PRIM2: variants seen among roughly 807,000 people sequenced by gnomAD.
PRIM2 encodes the protein DNA primase large subunit.
PRIM2 carries 39 observed loss-of-function variants against 67.3 expected under a neutral mutation model. The observed-to-expected ratio is 0.58, with a 90% CI of 0.45 to 0.76. The LOEUF (loss-of-function observed/expected upper bound fraction) is 0.76. Ranked by LOEUF, PRIM2 falls within the 30% of genes least tolerant of loss-of-function variation. The pLI is 0.00. For missense variants in PRIM2, 398 were observed against 598.7 expected, an observed-to-expected ratio of 0.66 and a Z score of 3.50; for synonymous variants, 143 against 198.7, an observed-to-expected ratio of 0.72 and a Z score of 2.36.
chr6:57,356,648 T>TA (rs1260429647), intron 5 of PRIM2, among the ~76,000 whole-genome samples: 8 of 152,214 alleles, frequency 5.3e-5, no homozygotes, highest in Non-Finnish European at 7.3e-5. Flanking sequence ...AAATTGTTGC[T>TA]AAACTGACAG....
chr6:57,452,736 C>T (rs1772600286), intron 7 of PRIM2, among the ~76,000 whole-genome samples: 2 of 151,922 alleles, frequency 1.3e-5, no homozygotes, highest in Non-Finnish European at 2.9e-5. Flanking sequence ...CTGTGGGTTG[C>T]CTGTTCACTC....
At chr6:57,398,196 G>A (rs1342930004) in intron 7 of PRIM2, among the ~76,000 whole-genome samples, 1 of 152,054 alleles carries the variant, frequency 6.6e-6, no homozygotes, top group African/African-American at 2.4e-5. Context: ...TTGACCTCAT[G>A]ATCTGCTTGC....
At chr6:57,484,103 G>A (rs1324586982) in intron 7 of PRIM2, among the ~76,000 whole-genome samples, 3 of 152,128 alleles carry the variant, frequency 2.0e-5, no homozygotes, top group African/African-American at 7.2e-5. Flanking sequence ...ATTTCTATGG[G>A]ATTTTGGTTA....
the PRIM2 span, among the ~76,000 whole-genome samples, chr6:57,263,151 T>G: frequency 6.6e-6 from 1 of 152,234 alleles, no homozygotes; most frequent in South Asian, 2.1e-4. Flanking sequence ...GTATAAGTTC[T>G]TCAAAGTTCA....
At chr6:57,281,378 C>A in the PRIM2 span, among the ~76,000 whole-genome samples, 1 of 152,186 alleles carries the variant, frequency 6.6e-6, no homozygotes, top group African/African-American at 2.4e-5. Flanking sequence ...AAACTCCATA[C>A]TGTTCTCCAT....
chr6:57,436,947 A>G (rs1772030485), intron 7 of PRIM2, among the ~76,000 whole-genome samples: 1 of 152,214 alleles, frequency 6.6e-6, no homozygotes, highest in African/African-American at 2.4e-5. Flanking sequence ...GTATTAGTCC[A>G]TTCTTGCATT....
At chr6:57,597,987 C>CTTAGATAAA (rs1269567132) in intron 10 of PRIM2, among the ~76,000 whole-genome samples, 1 of 152,148 alleles carries the variant, frequency 6.6e-6, no homozygotes, top group Non-Finnish European at 1.5e-5. Flanking sequence ...AAGCTTTCTA[C>CTTAGATAAA]AGTATCCATT....
chr6:57,585,432 A>G (rs1776171818), intron 10 of PRIM2, among the ~76,000 whole-genome samples: 1 of 152,214 alleles, frequency 6.6e-6, no homozygotes, highest in Non-Finnish European at 1.5e-5. Context: ...TTCTGAATAC[A>G]GCATAGACCA....
chr6:57,514,865 C>A (rs1278167365), intron 8 of PRIM2, among the ~76,000 whole-genome samples: 9 of 152,104 alleles, frequency 5.9e-5, no homozygotes, highest in Non-Finnish European at 2.9e-5. Context: ...ACCCCCCTCC[C>A]CACCCACACA....
At chr6:57,234,555 G>T in the PRIM2 span, among the ~76,000 whole-genome samples, 1 of 151,842 alleles carries the variant, frequency 6.6e-6, no homozygotes, top group African/African-American at 2.4e-5. Flanking sequence ...ATGGAGTCTC[G>T]CTTTGTTTCC....
At chr6:57,344,567 C>T (rs1365796973) in intron 5 of PRIM2, among the ~76,000 whole-genome samples, 3 of 152,044 alleles carry the variant, frequency 2.0e-5, no homozygotes, top group Admixed American at 2.0e-4. Context: ...AAAGTAAACA[C>T]TACAAGTATA....
At chr6:57,528,673 A>G (rs1774817761) in intron 8 of PRIM2, among the ~76,000 whole-genome samples, 1 of 152,198 alleles carries the variant, frequency 6.6e-6, no homozygotes, top group Non-Finnish European at 1.5e-5. Context: ...ACATCATTGT[A>G]ATCACCACCT....
At chr6:57,280,295 CTTT>C in the PRIM2 span, among the ~76,000 whole-genome samples, 1 of 151,932 alleles carries the variant, frequency 6.6e-6, no homozygotes, top group South Asian at 2.1e-4. Context: ...TGGTATATAT[CTTT>C]TTATATGTTT....
chr6:57,335,923 G>A (rs1380803322), intron 5 of PRIM2, among the ~76,000 whole-genome samples: 1 of 152,138 alleles, frequency 6.6e-6, no homozygotes, highest in Non-Finnish European at 1.5e-5. Context: ...GCTACGGGAG[G>A]ACATTCAAAC....
At chr6:57,552,953 A>C (rs1207840818) in intron 10 of PRIM2, among the ~76,000 whole-genome samples, 2 of 152,186 alleles carry the variant, frequency 1.3e-5, no homozygotes, top group African/African-American at 4.8e-5. Context: ...AATATTTAAA[A>C]ATTGCAAATA....
chr6:57,258,684 G>A, the PRIM2 span, among the ~76,000 whole-genome samples: 1 of 141,860 alleles, frequency 7.0e-6, no homozygotes, highest in Non-Finnish European at 1.5e-5. Flanking sequence ...ACAGAAAAAG[G>A]CCAGTGTAAG....
At chr6:57,580,831 C>T (rs1440897522) in intron 10 of PRIM2, among the ~76,000 whole-genome samples, 1 of 152,126 alleles carries the variant, frequency 6.6e-6, no homozygotes, top group Non-Finnish European at 1.5e-5. Context: ...TCTGTAGTAT[C>T]TTTAGACATC....
intron 5 of PRIM2, among the ~76,000 whole-genome samples, chr6:57,376,394 T>C (rs1447180811): frequency 2.6e-5 from 4 of 152,248 alleles, no homozygotes; most frequent in Non-Finnish European, 5.9e-5. Flanking sequence ...CCCTGATGAC[T>C]AAGGAGGTTG....
intron 7 of PRIM2, among the ~76,000 whole-genome samples, chr6:57,488,025 G>A (rs1473635292): frequency 1.3e-5 from 2 of 152,148 alleles, no homozygotes; most frequent in Non-Finnish European, 2.9e-5. Flanking sequence ...TACAGATGAG[G>A]AAATTGAGGC....
Sources: gnomAD v4.1 joint callset for allele counts (sites outside exome capture counted in the v4.1 genomes callset) on GRCh38, gnomAD v4.1.1 for gene constraint, MANE v1.5 for transcripts, NCBI Gene and HGNC (gene_info 2026-07-23, HGNC 2026-07-21) for gene names.